Variants in TNMD observed in about 807,000 individuals in gnomAD.
TNMD encodes tenomodulin, also known as BRICHOS domain containing 4.
TNMD carries 15 observed loss-of-function variants against 26.9 expected under a neutral mutation model. The observed-to-expected ratio is 0.56, with a 90% CI of 0.37 to 0.86. The LOEUF is 0.86. TNMD is among the 40% of genes least tolerant of loss of function. TNMD has a pLI of 0.00. For synonymous variants in TNMD, 73 were observed against 77.0 expected (o/e 0.95, Z 0.27); for missense variants, 222 against 242.6 (o/e 0.92, Z 0.56).
At chrX:100,594,752 A>T (rs918408381) in intron 4 of TNMD, among the ~76,000 whole-genome samples, 9 of 112,262 alleles carry the variant, frequency 8.0e-5, no homozygotes, top group Non-Finnish European at 1.3e-4. Context: ...AAGCGTTTTT[A>T]AAAAAGAAAG....
At chrX:100,596,331 G>A (rs758759067) in intron 4 of TNMD, among the ~76,000 whole-genome samples, 1 of 111,741 alleles carries the variant, frequency 8.9e-6, no homozygotes, top group Non-Finnish European at 1.9e-5. Flanking sequence ...GGGACTCAGT[G>A]TCAAAAAATA....
In TNMD at chrX:100,585,001, A is replaced by G. The variant is rs1230920868; in HGVS notation, c.-18A>G. 1.7e-6 allele frequency: 2 copies of G among 1,204,667 alleles called. No individual in the cohort carries two copies. The highest frequency in any genetic ancestry group is 2.2e-6 in the Non-Finnish European group (2 of 891,622). ...AGTCCTCTCAAAGCAAGGAAAGAGT[A>G]CTGTGTGCTGAGAGACCATGGCAAA... On this transcript the variant is annotated 5_prime_UTR_variant, in exon 1 of 7. Coordinates refer to ENST00000373031, the MANE Select transcript of TNMD (RefSeq NM_022144.3).
At chrX:100,593,367 G>A (rs1421061620) in intron 2 of TNMD, 1 of 751,721 alleles carries the variant, frequency 1.3e-6, no homozygotes, top group Non-Finnish European at 1.6e-6. Context: ...AATGTTTCCT[G>A]GAGTTTAAGG....
intron 2 of TNMD, among the ~76,000 whole-genome samples, chrX:100,585,721 A>C (rs1199295513): frequency 8.9e-6 from 1 of 112,485 alleles, no homozygotes; most frequent in African/African-American, 3.2e-5. Context: ...ATGGAAAAGT[A>C]ATTAGACCAC....
At chrX:100,596,065 TATAATCCCAG>T (rs1289229997) in intron 4 of TNMD, among the ~76,000 whole-genome samples, 1 of 112,758 alleles carries the variant, frequency 8.9e-6, no homozygotes, top group African/African-American at 3.2e-5. Flanking sequence ...GGCTCACGCC[TATAATCCCAG>T]CCCTTTGGGA....
intron 5 of TNMD, among the ~76,000 whole-genome samples, chrX:100,598,748 T>G (rs951458666): frequency 8.9e-6 from 1 of 112,235 alleles, no homozygotes; most frequent in African/African-American, 3.2e-5. Context: ...TTGTCCTCAG[T>G]TTTTAATTTA....
chrX:100,585,425 G>A, intron 2 of TNMD, 63 bp downstream of exon 2: 1 of 1,021,607 alleles, frequency 9.8e-7, no homozygotes. Context: ...TTAATTAGTA[G>A]GCATATAAAT....
chrX:100,593,152 C>A (rs1324588016), intron 2 of TNMD, among the ~76,000 whole-genome samples: 2 of 111,719 alleles, frequency 1.8e-5, no homozygotes, highest in African/African-American at 6.5e-5. Context: ...TTTAGCCACT[C>A]AAGAAAGACC....
At position 100,597,561 on chromosome X, in the gene TNMD, A is replaced by G; in HGVS notation, c.481A>G (p.Lys161Glu). Residue 161 changes from lysine to glutamate, a missense_variant, in exon 5 of 7, where the codon AAG becomes GAG. Coordinates refer to ENST00000373031, the MANE Select transcript of TNMD (RefSeq NM_022144.3). ...EQSVIWVPAEKPIENRDFLKN... is the reference protein window; with the variant it reads ...EQSVIWVPAEEPIENRDFLKN... ...GTCAGTGATTTGGGTCCCAGCAGAAAAGCCTATTGAAAACCGAGATTTTCT... is the reference window on the plus strand; with the variant it reads ...GTCAGTGATTTGGGTCCCAGCAGAAGAGCCTATTGAAAACCGAGATTTTCT... 8.3e-7 allele frequency: 1 copy of G among 1,211,546 alleles called. No homozygotes were observed. Among genetic ancestry groups the G allele is most frequent in the Non-Finnish European group, 1.1e-6 (1 of 895,253 alleles).
At chrX:100,594,086 G>C (rs1363547172) in intron 3 of TNMD, 51 bp downstream of exon 3, 14 of 1,116,516 alleles carry the variant, frequency 1.3e-5, no homozygotes, top group Non-Finnish European at 1.7e-5. Context: ...TATTAGAGCA[G>C]TTGAGTCAAG....
intron 2 of TNMD, among the ~76,000 whole-genome samples, chrX:100,587,847 C>T: frequency 8.9e-6 from 1 of 111,744 alleles, no homozygotes; most frequent in East Asian, 2.8e-4. Context: ...AAATTAAAGA[C>T]TCTCCCCTTA....
At chrX:100,596,559 T>C (rs1485778899) in intron 4 of TNMD, among the ~76,000 whole-genome samples, 1 of 111,376 alleles carries the variant, frequency 9.0e-6, no homozygotes, top group Non-Finnish European at 1.9e-5. Context: ...AACCTTCTTC[T>C]GTAATTCCCT....
At chrX:100,587,381 G>A (rs1457912063) in intron 2 of TNMD, among the ~76,000 whole-genome samples, 1 of 112,376 alleles carries the variant, frequency 8.9e-6, no homozygotes, top group Non-Finnish European at 1.9e-5. Context: ...GCTGAATAAA[G>A]TTTATCAAAA....
intron 2 of TNMD, chrX:100,593,182 T>C (rs2082942810): frequency 5.6e-6 from 1 of 177,611 alleles, no homozygotes; most frequent in Non-Finnish European, 8.8e-6. Flanking sequence ...GTCTTTCTTC[T>C]TGGGAGGCTC....
rs762845483 is a variant in TNMD, at chrX:100,594,036, G to GT, written c.321+2dup. 1.7e-6 allele frequency: 2 copies of GT among 1,207,805 alleles called. No homozygotes were observed. Among genetic ancestry groups the GT allele is most frequent in the Non-Finnish European group, 2.2e-6 (2 of 893,346 alleles). On this transcript the variant is annotated splice_donor_variant, in intron 3 of 6. Coordinates refer to ENST00000373031, the MANE Select transcript of TNMD (RefSeq NM_022144.3). LOFTEE classifies it high-confidence loss of function. The stretch of plus-strand genomic sequence containing the variant: ...ATTGGAAGTGCACGACTTTAAAAAC[G>GT]TAAGTTGGATGTTTTCCTCCTAAGG...
chrX:100,594,081 G>A lies in TNMD; in HGVS notation c.321+46G>A, dbSNP rs762788417. The A allele has an allele frequency of 3.5e-6, 4 of 1,145,853 alleles. No homozygotes were observed. The Admixed American group carries it at 7.2e-5, about 21-fold the overall frequency. The allele number at this position is 1,145,853 out of a possible 1,213,427, so 94.4% of individuals were successfully genotyped here. On this transcript the variant is annotated intron_variant, in intron 3 of 6. Coordinates refer to ENST00000373031, the MANE Select transcript of TNMD (RefSeq NM_022144.3). ...CTAAGGCTTTCCACTTAAAATATTA[G>A]AGCAGTTGAGTCAAGTTAAAAATAG...
rs199720373 is a variant in TNMD at position 100,593,876 on chromosome X, T to C, written c.181-19T>C. 1.9e-4 allele frequency: 230 copies of C among 1,204,166 alleles called. No individual in the cohort carries two copies. Among genetic ancestry groups the C allele is most frequent in the Middle Eastern group, 4.6e-4 (2 of 4,349 alleles). On this transcript the variant is annotated intron_variant, in intron 2 of 6. Transcript: ENST00000373031. ...GACACACTGAGTATCTTAGAGATTG[T>C]TTTCCTCTGTTCTCCCAGGCCTATG...
intron 2 of TNMD, among the ~76,000 whole-genome samples, chrX:100,588,413 C>A (rs1040089648): frequency 1.9e-4 from 21 of 111,299 alleles, no homozygotes; most frequent in Non-Finnish European, 2.8e-4. Flanking sequence ...AGGTCCCAGG[C>A]CCCTGACCCA....
chrX:100,597,826 G>T, intron 5 of TNMD, 169 bp downstream of exon 5: 1 of 477,984 alleles, frequency 2.1e-6, no homozygotes, highest in South Asian at 3.6e-5. Flanking sequence ...TCACAGCCAA[G>T]TTATAAATCA....
Sources: allele counts gnomAD v4.1 joint callset (sites outside exome capture counted in the v4.1 genomes callset), GRCh38; gene constraint gnomAD v4.1.1; transcripts MANE v1.5; gene names NCBI Gene and HGNC (gene_info 2026-07-23, HGNC 2026-07-21).